UPF3A: variants seen among roughly 807,000 people sequenced by gnomAD.
The protein encoded by UPF3A is regulator of nonsense transcripts 3A.
Under a neutral mutation model 53.5 loss-of-function variants are expected in UPF3A, and 42 were observed. The ratio of observed to expected loss-of-function variants is 0.78; its 90% CI spans 0.61 to 1.01. UPF3A has a LOEUF of 1.01. Ranked by LOEUF, UPF3A falls within the 50% of genes least tolerant of loss-of-function variation. The pLI is 0.00. For synonymous variants in UPF3A, 237 were observed against 225.3 expected (o/e 1.05, Z -0.47); for missense variants, 575 against 598.0 (o/e 0.96, Z 0.40).
At chr13:114,286,780 A>G (rs2084737735) in intron 5 of UPF3A, 151 bp downstream of exon 5, 1 of 659,632 alleles carries the variant, frequency 1.5e-6, no homozygotes, top group Admixed American at 3.2e-5. Flanking sequence ...TTGACAAAAG[A>G]ATGGCAAGAT....
chr13:114,292,135 C>T (rs559807648), intron 7 of UPF3A, among the ~76,000 whole-genome samples: 77 of 150,816 alleles, frequency 5.1e-4, no homozygotes, highest in African/African-American at 1.7e-3. Context: ...TCATTTTCGG[C>T]TCAAGGCGTA....
chr13:114,290,618 A>T (rs2085178057), intron 5 of UPF3A, among the ~76,000 whole-genome samples: 2 of 152,208 alleles, frequency 1.3e-5, no homozygotes, highest in South Asian at 4.1e-4. Flanking sequence ...GAGGTCGGGC[A>T]TGAAAGCGAA....
At chr13:114,288,909 T>C (rs1215044867) in intron 5 of UPF3A, among the ~76,000 whole-genome samples, 1 of 152,206 alleles carries the variant, frequency 6.6e-6, no homozygotes, top group African/African-American at 2.4e-5. Flanking sequence ...TTAGACGTTA[T>C]TACAGGCCTC....
chr13:114,291,850 T>A, intron 7 of UPF3A, 58 bp downstream of exon 7: 2 of 1,505,424 alleles, frequency 1.3e-6, no homozygotes, highest in South Asian at 1.3e-5. Context: ...GTAATTACAC[T>A]TTTTACATAT....
chr13:114,284,560 A>T (rs2084472064), intron 3 of UPF3A, among the ~76,000 whole-genome samples: 1 of 151,500 alleles, frequency 6.6e-6, no homozygotes, highest in African/African-American at 2.4e-5. Context: ...TTAGCCAGGC[A>T]TCATGAGGCA....
intron 5 of UPF3A, among the ~76,000 whole-genome samples, chr13:114,288,874 T>C (rs867768096): frequency 2.3e-4 from 35 of 152,104 alleles, no homozygotes; most frequent in Admixed American, 3.9e-4. Context: ...ACTTGATAAA[T>C]TGAAGAAGAG....
rs2085313177 is a variant in UPF3A, at chr13:114,291,944, C to T, written c.846+152C>T. On this transcript the variant is annotated intron_variant, in intron 7 of 9. Coordinates refer to ENST00000375299, the MANE Select transcript of UPF3A (RefSeq NM_023011.4). ...TTTTCCATCTTTTCCATCTTTCTTT[C>T]CATCCTACAGCAGTGGTTATCACAG... 25 of 1,122,994 alleles carry T rather than the reference C, an allele frequency of 2.2e-5. 1 individual carries two copies. The South Asian group carries it at 3.1e-4, about 14-fold the overall frequency. 69.6% of individuals were successfully genotyped at this position (1,122,994 alleles called of 1,614,324 possible).
chr13:114,298,769 A>G, intron 7 of UPF3A, 71 bp from the exon 8 acceptor site: 2 of 1,340,468 alleles, frequency 1.5e-6, no homozygotes, highest in Non-Finnish European at 2.0e-6. Context: ...TATATTTGTA[A>G]TTATTTATTT....
At position 114,304,903 on chromosome 13, in the gene UPF3A, G is replaced by T. The variant is rs767684952; in HGVS notation, c.1417G>T (p.Glu473Ter). ...TTCGGGGACTGGTCCTGAGAAGAGGGAAGAGGCAGAGTGAGTCACTGCACG... is the reference window on the plus strand; with the variant it reads ...TTCGGGGACTGGTCCTGAGAAGAGGTAAGAGGCAGAGTGAGTCACTGCACG... ...EGSGTGPEKR[E>*]EAE Residue 473 changes from glutamate to a stop codon, truncating the protein, a stop_gained, in exon 10 of 10, where the codon GAA (glutamate) becomes TAA (stop). Transcript: ENST00000375299. LOFTEE classifies it high-confidence loss of function. The T allele has an allele frequency of 3.1e-6, 5 of 1,613,178 alleles. No homozygotes were observed. The African/African-American group carries it at 5.3e-5, about 17-fold the overall frequency.
rs764647001 is a variant in UPF3A, at chr13:114,281,667, G to A, written c.28G>A (p.Gly10Ser). MRSEKEGAG[G>S]LRAAVAARGP... ...GCGCTCGGAAAAGGAGGGGGCCGGA[G>A]GCCTTCGGGCGGCCGTTGCCGCGCG... is the stretch of plus-strand genomic sequence containing the variant. Residue 10 changes from glycine to serine, a missense_variant, in exon 1 of 10, where the codon GGC (glycine) becomes AGC (serine). Gly to Ser is a moderately conservative substitution (Grantham distance 56). This residue lies in a region of UPF3A where 252 missense variants were observed against 182.7 expected (regional missense o/e 1.38). Coordinates refer to ENST00000375299, the MANE Select transcript of UPF3A (RefSeq NM_023011.4). 3 of 1,524,810 alleles carry A rather than the reference G, an allele frequency of 2.0e-6. No individual in the cohort carries two copies. The highest frequency in any genetic ancestry group is 2.4e-5 in the South Asian group (2 of 82,318). The allele number at this position is 1,524,810 out of a possible 1,614,324, so 94.5% of individuals were successfully genotyped here. A position where few individuals can be genotyped will look rare whatever the true frequency, so the allele number is the denominator to read the frequency against.
chr13:114,296,243 C>T (rs1044545372), intron 7 of UPF3A, among the ~76,000 whole-genome samples: 1 of 152,112 alleles, frequency 6.6e-6, no homozygotes, highest in African/African-American at 2.4e-5. Context: ...ATTAGCCAGG[C>T]ATGGTGGCGC....
At chr13:114,283,980 G>A (rs1435858069) in intron 3 of UPF3A, 3 of 985,332 alleles carry the variant, frequency 3.0e-6, no homozygotes, top group Non-Finnish European at 3.6e-6. Context: ...GCTAGTTCCT[G>A]TGACTAGAAG....
rs543928667 is a variant in UPF3A at position 114,291,574 on chromosome 13, C to T, written c.687+30C>T. On this transcript the variant is annotated intron_variant, in intron 6 of 9. Transcript: ENST00000375299. ...GTCTGGCCTTTACCTGATGAACACC[C>T]TCCCTGCTTCTGCCATTCTCATCCA... 8.8e-5 allele frequency: 141 copies of T among 1,604,524 alleles called. 2 individuals carry two copies. In the South Asian group the frequency reaches 1.5e-3, roughly 17 times the overall value.
intron 5 of UPF3A, 196 bp downstream of exon 5, chr13:114,286,825 A>AT (rs1266138905): frequency 1.7e-5 from 10 of 586,672 alleles, no homozygotes; most frequent in Non-Finnish European, 3.1e-5. Context: ...GCGTTGGTTG[A>AT]TGGAGAGCAC....
In UPF3A at chr13:114,282,868, A is replaced by G. The variant is rs556363515; in HGVS notation, c.346A>G (p.Ile116Val). Residue 116 changes from isoleucine (I) to valine (V), a missense_variant, in exon 3 of 10, where the codon ATT (isoleucine) becomes GTT (valine). Transcript: ENST00000375299. ...LYPHLYSRAY[I>V]NFRNPDDILL... is the part of the protein sequence containing the mutation. ...TCCTCATCTCTACTCAAGAGCATAC[A>G]TTAATTTTAGGAATCCTGATGACAT... is the stretch of plus-strand genomic sequence containing the variant. 15 of 1,611,298 alleles carry G rather than the reference A, an allele frequency of 9.3e-6. No homozygotes were observed. The African/African-American group carries it at 9.3e-5, about 10-fold the overall frequency.
In UPF3A at chr13:114,295,069, G is replaced by A. The variant is rs547989658; in HGVS notation, c.846+3277G>A. On this transcript the variant is annotated intron_variant, in intron 7 of 9. Coordinates refer to ENST00000375299, the MANE Select transcript of UPF3A (RefSeq NM_023011.4). ...GGAGCTTGCAGTGAGCCAAGATTGC[G>A]CCACTGCACTCCAGCCTGGGCGACA... 2.2e-3 allele frequency among the ~76,000 whole-genome samples: 324 copies of A among 145,838 alleles called. 4 individuals are homozygous for A. Among genetic ancestry groups the A allele is most frequent in the Admixed American group, 0.017 (244 of 14,608 alleles).
chr13:114,281,899 T>TGGAGGGAGGGGAGGGGAGGGAGG, intron 1 of UPF3A, 53 bp downstream of exon 1: 1 of 621,150 alleles, frequency 1.6e-6, no homozygotes, highest in South Asian at 1.7e-5. Flanking sequence ...CGGCCCTGAG[T>TGGAGGGAGGGGAGGGGAGGGAGG]GGAGGGAGGG....
At position 114,281,941 on chromosome 13, in the gene UPF3A, C is replaced by T. The variant is rs2084078532; in HGVS notation, c.208-80C>T. 23 of 1,296,356 alleles carry T rather than the reference C, an allele frequency of 1.8e-5. 1 individual carries two copies. The highest frequency in any genetic ancestry group is 2.1e-5 in the Non-Finnish European group (20 of 960,054). 80.3% of individuals were successfully genotyped at this position (1,296,356 alleles called of 1,614,324 possible). On this transcript the variant is annotated intron_variant, in intron 1 of 9. Coordinates refer to ENST00000375299, the MANE Select transcript of UPF3A (RefSeq NM_023011.4). Reference sequence around the variant, plus strand: ...GGGGAGGGAGGGGCGGGGGCCGGGCCTCCCAGCGCGGTACGCGGTGCCTTT... The same window carrying T: ...GGGGAGGGAGGGGCGGGGGCCGGGCTTCCCAGCGCGGTACGCGGTGCCTTT...
chr13:114,287,779 T>A (rs2084867935), intron 5 of UPF3A, among the ~76,000 whole-genome samples: 1 of 152,172 alleles, frequency 6.6e-6, no homozygotes, highest in Admixed American at 6.5e-5. Context: ...AGATTAATAT[T>A]ACTGAAATAG....
Sources: gnomAD v4.1 joint callset for allele counts (sites outside exome capture counted in the v4.1 genomes callset) on GRCh38, gnomAD v4.1.1 for gene constraint, gnomAD v4.1.1 regional missense constraint, MANE v1.5 for transcripts, NCBI Gene and HGNC (gene_info 2026-07-23, HGNC 2026-07-21) for gene names.